Variants in ACSM6 observed in about 807,000 individuals in gnomAD.
ACSM6 encodes the protein acyl-coenzyme A synthetase ACSM6, mitochondrial.
A neutral mutation model predicts 51.1 loss-of-function variants in ACSM6; 35 were observed. That is an observed-to-expected ratio of 0.69 (90% CI 0.52 to 0.91). The LOEUF is 0.91. Among genes scored for constraint, ACSM6 ranks in the 40% least tolerant of loss-of-function variants. ACSM6 has a pLI of 0.00. For synonymous variants in ACSM6, 172 were observed against 207.3 expected (o/e 0.83, Z 1.46); for missense variants, 509 against 584.1 (o/e 0.87, Z 1.32).
chr10:95,210,089 G>A (rs1464413101), intron 4 of ACSM6, among the ~76,000 whole-genome samples: 1 of 152,072 alleles, frequency 6.6e-6, no homozygotes, highest in Non-Finnish European at 1.5e-5. Context: ...TGTTTATCAT[G>A]GATTTTTGCA....
At chr10:95,213,062 GCCAT>G in intron 7 of ACSM6, 122 bp downstream of exon 7, 2 of 762,920 alleles carry the variant, frequency 2.6e-6, no homozygotes, top group Non-Finnish European at 4.4e-6. Flanking sequence ...TTGTCTTGTT[GCCAT>G]TCATGACAAC....
intron 2 of ACSM6, among the ~76,000 whole-genome samples, chr10:95,200,660 T>A (rs2034785998): frequency 6.6e-6 from 1 of 151,236 alleles, no homozygotes; most frequent in Admixed American, 6.6e-5. Flanking sequence ...AAGTAGCAAT[T>A]CTATGGGCTG....
intron 2 of ACSM6, among the ~76,000 whole-genome samples, chr10:95,199,423 T>C (rs1334197740): frequency 3.3e-5 from 5 of 152,274 alleles, no homozygotes; most frequent in African/African-American, 1.2e-4. Context: ...GGCAATTCCA[T>C]TCAGGACATA....
intron 3 of ACSM6, among the ~76,000 whole-genome samples, chr10:95,204,816 C>CA (rs1409536363): frequency 6.6e-6 from 1 of 151,280 alleles, no homozygotes; most frequent in East Asian, 1.9e-4. Context: ...GATACCCAAA[C>CA]AAAAAAGGAA....
chr10:95,211,723 C>A (rs1487181478), intron 5 of ACSM6, among the ~76,000 whole-genome samples, 155 bp from the exon 6 acceptor site: 1 of 152,200 alleles, frequency 6.6e-6, no homozygotes, highest in Non-Finnish European at 1.5e-5. Context: ...TTTAAGGAGT[C>A]CATTGGCCTC....
intron 2 of ACSM6, among the ~76,000 whole-genome samples, chr10:95,195,126 T>C (rs2034712835): frequency 6.6e-6 from 1 of 152,236 alleles, no homozygotes; most frequent in Non-Finnish European, 1.5e-5. Context: ...GAGCATCTTC[T>C]AGCACATACA....
At chr10:95,216,169 G>C (rs937452398) in intron 8 of ACSM6, among the ~76,000 whole-genome samples, 2 of 152,038 alleles carry the variant, frequency 1.3e-5, no homozygotes, top group Non-Finnish European at 2.9e-5. Flanking sequence ...CCTGGCCTCA[G>C]GGACCTTCCC....
chr10:95,202,704 G>A (rs906499766), intron 3 of ACSM6, among the ~76,000 whole-genome samples: 7 of 151,926 alleles, frequency 4.6e-5, no homozygotes, highest in Admixed American at 4.6e-4. Context: ...CAGGCAGATT[G>A]TCTGAGCTTA....
rs142481156 is a variant in ACSM6, at chr10:95,201,158, C to G, written c.193-827C>G. ...ACTCTTCTCTACTTACAGGATCATG[C>G]CCTGAGAAATCTTTTCTTAAAAAAA... is the stretch of plus-strand genomic sequence containing the variant. On this transcript the variant is annotated intron_variant, in intron 2 of 10. Coordinates refer to ENST00000341686, the Ensembl canonical transcript of ACSM6. 2.8e-4 allele frequency among the ~76,000 whole-genome samples: 42 copies of G among 152,276 alleles called. No homozygotes were observed. In the East Asian group the frequency reaches 8.1e-3, roughly 29 times the overall value.
At chr10:95,194,808 G>C (rs1020551075) in intron 2 of ACSM6, 131 bp downstream of exon 2, 4 of 790,168 alleles carry the variant, frequency 5.1e-6, no homozygotes, top group Non-Finnish European at 3.9e-6. Context: ...AGAAATTATA[G>C]CAAAATGACT....
chr10:95,223,468 TATA>T (rs1209183635), intron 9 of ACSM6, among the ~76,000 whole-genome samples: 2 of 152,146 alleles, frequency 1.3e-5, no homozygotes, highest in Non-Finnish European at 2.9e-5. Flanking sequence ...ACAAGGAACA[TATA>T]AATGGATTAT....
intron 2 of ACSM6, among the ~76,000 whole-genome samples, chr10:95,200,018 T>C (rs2034775963): frequency 6.6e-6 from 1 of 152,174 alleles, no homozygotes; most frequent in African/African-American, 2.4e-5. Flanking sequence ...ACCCAAAGGA[T>C]TATAAATCAT....
chr10:95,220,004 T>A, intron 9 of ACSM6, 33 bp downstream of exon 9: 1 of 1,518,426 alleles, frequency 6.6e-7, no homozygotes. Flanking sequence ...ATGACAGATA[T>A]TATTAAGTGA....
chr10:95,228,448 A>C (rs77002988), intron 10 of ACSM6, 196 bp from the exon 11 acceptor site: 10 of 518,692 alleles, frequency 1.9e-5, no homozygotes, highest in African/African-American at 1.8e-4. Context: ...AAAAAAAAAA[A>C]AGCTGAAGTT....
intron 8 of ACSM6, among the ~76,000 whole-genome samples, chr10:95,215,258 A>C (rs1589496120): frequency 6.6e-6 from 1 of 152,358 alleles, no homozygotes; most frequent in South Asian, 2.1e-4. Context: ...ATCATGTGAT[A>C]AGAATGAAAA....
At position 95,212,131 on chromosome 10, in the gene ACSM6, G is replaced by A. The variant is rs2034899198; in HGVS notation, c.912+97G>A. On this transcript the variant is annotated intron_variant, in intron 6 of 10. Coordinates refer to ENST00000341686, the Ensembl canonical transcript of ACSM6. ...TCATGCCCAGAATGGGGCAAATCAA[G>A]AGTTAAATTTGGAATGTGATCTTGA... is the stretch of plus-strand genomic sequence containing the variant. 10 of 1,444,560 alleles carry A rather than the reference G, an allele frequency of 6.9e-6. No individual in the cohort carries two copies. In the Admixed American group the frequency reaches 1.9e-4, roughly 27 times the overall value. 89.5% of individuals were successfully genotyped at this position (1,444,560 alleles called of 1,614,324 possible). A position where few individuals can be genotyped will look rare whatever the true frequency, so the allele number is the denominator to read the frequency against.
chr10:95,194,375 G>A (rs1564584537), intron 1 of ACSM6, 72 bp downstream of exon 1: 1 of 1,001,784 alleles, frequency 1.0e-6, no homozygotes, highest in East Asian at 2.6e-5. Context: ...GAAATTGTTT[G>A]CCTTATGGAT....
intron 2 of ACSM6, among the ~76,000 whole-genome samples, chr10:95,196,239 C>A (rs10218877): frequency 0.31 from 46,481 of 152,120 alleles, 7,780 homozygotes; most frequent in South Asian, 0.39. Flanking sequence ...CCCAGCTGGG[C>A]CCTACCCAGC....
chr10:95,197,381 T>C (rs532705328), intron 2 of ACSM6, among the ~76,000 whole-genome samples: 1 of 152,326 alleles, frequency 6.6e-6, no homozygotes, highest in African/African-American at 2.4e-5. Flanking sequence ...TTATTGATTA[T>C]TATCTTCATT....
Sources: allele counts gnomAD v4.1 joint callset (sites outside exome capture counted in the v4.1 genomes callset), GRCh38; gene constraint gnomAD v4.1.1; transcripts MANE v1.5; gene names NCBI Gene and HGNC (gene_info 2026-07-23, HGNC 2026-07-21).